The following SGCZ variants were observed in gnomAD, a reference collection of about 807,000 sequenced individuals.
SGCZ encodes the protein sarcoglycan zeta, also known as zeta-sarcoglycan.
A neutral mutation model predicts 41.3 loss-of-function variants in SGCZ; 40 were observed. The observed-to-expected ratio is 0.97, with a 90% CI of 0.75 to 1.26. The LOEUF is 1.26. Among genes scored for constraint, SGCZ ranks in the 50% most tolerant of loss-of-function variants. The probability of loss-of-function intolerance (pLI) is 0.00; values close to 1 mark genes in which losing one functional copy is unlikely to be tolerated. For synonymous variants in SGCZ, 206 were observed against 137.5 expected, an observed-to-expected ratio of 1.50 and a Z score of -3.49; for missense variants, 552 against 369.8, an observed-to-expected ratio of 1.49 and a Z score of -4.04.
intron 1 of SGCZ, among the ~76,000 whole-genome samples, chr8:14,978,189 C>T (rs1467352868): frequency 6.6e-6 from 1 of 151,454 alleles, no homozygotes; most frequent in African/African-American, 2.4e-5. Flanking sequence ...GCCTGCTGGC[C>T]GGGTGTGGTG....
At chr8:15,130,420 A>T (rs924744094) in intron 1 of SGCZ, among the ~76,000 whole-genome samples, 2 of 152,230 alleles carry the variant, frequency 1.3e-5, no homozygotes, top group Non-Finnish European at 1.5e-5. Flanking sequence ...AATGAGAAAA[A>T]TTAATAAACA....
intron 4 of SGCZ, among the ~76,000 whole-genome samples, chr8:14,189,392 C>T (rs1805017920): frequency 1.3e-5 from 2 of 152,196 alleles, no homozygotes; most frequent in Non-Finnish European, 2.9e-5. Flanking sequence ...CTTTTCAACA[C>T]GGTCTGGAAG....
intron 1 of SGCZ, among the ~76,000 whole-genome samples, chr8:14,721,102 T>C (rs550742177): frequency 5.3e-5 from 8 of 152,286 alleles, no homozygotes; most frequent in South Asian, 4.1e-4. Context: ...GGACTGTTTC[T>C]CTTTAATTAT....
intron 1 of SGCZ, among the ~76,000 whole-genome samples, chr8:14,672,118 A>G (rs1245225279): frequency 6.6e-6 from 1 of 152,194 alleles, no homozygotes; most frequent in Non-Finnish European, 1.5e-5. Flanking sequence ...GCGGGAATTT[A>G]AAAAGAACTG....
intron 1 of SGCZ, among the ~76,000 whole-genome samples, chr8:14,659,848 T>A (rs747039689): frequency 3.3e-5 from 5 of 152,192 alleles, no homozygotes; most frequent in Non-Finnish European, 5.9e-5. Context: ...CAAGTCAGGA[T>A]GAGATCATAC....
chr8:14,438,129 C>T (rs1452599518), intron 2 of SGCZ, among the ~76,000 whole-genome samples: 2 of 151,860 alleles, frequency 1.3e-5, no homozygotes, highest in African/African-American at 4.8e-5. Context: ...ACCAAAGATT[C>T]TAAAGGAACA....
chr8:14,854,410 A>G (rs1329988287), intron 1 of SGCZ, among the ~76,000 whole-genome samples: 1 of 152,106 alleles, frequency 6.6e-6, no homozygotes, highest in African/African-American at 2.4e-5. Flanking sequence ...GTTCCACAAC[A>G]TATCTAAAGC....
intron 1 of SGCZ, among the ~76,000 whole-genome samples, chr8:15,141,778 T>A (rs1563147598): frequency 6.6e-6 from 1 of 152,010 alleles, no homozygotes; most frequent in Non-Finnish European, 1.5e-5. Context: ...GGTGCGTGCC[T>A]GTAATCCAAC....
chr8:15,145,748 G>A (rs754450379), intron 1 of SGCZ, among the ~76,000 whole-genome samples: 2 of 152,128 alleles, frequency 1.3e-5, no homozygotes, highest in African/African-American at 2.4e-5. Context: ...AGCACCATAC[G>A]TGGCCCTCCA....
At chr8:14,633,009 T>C (rs967662681) in intron 1 of SGCZ, among the ~76,000 whole-genome samples, 1 of 151,956 alleles carries the variant, frequency 6.6e-6, no homozygotes. Flanking sequence ...CAAATTTTAA[T>C]AATTTAATCC....
At chr8:14,657,493 G>A (rs928969199) in intron 1 of SGCZ, among the ~76,000 whole-genome samples, 3 of 152,082 alleles carry the variant, frequency 2.0e-5, no homozygotes, top group African/African-American at 7.3e-5. Flanking sequence ...CATTGACCAT[G>A]AAGCTATAAT....
chr8:14,207,599 T>A (rs1164890493), intron 4 of SGCZ, among the ~76,000 whole-genome samples: 1 of 152,332 alleles, frequency 6.6e-6, no homozygotes, highest in East Asian at 1.9e-4. Flanking sequence ...TGTTAAGTTA[T>A]AATGAACACA....
chr8:14,247,015 C>T (rs774786415), intron 3 of SGCZ, among the ~76,000 whole-genome samples: 5 of 151,450 alleles, frequency 3.3e-5, no homozygotes, highest in Non-Finnish European at 5.9e-5. Context: ...GGAAGAAGTG[C>T]TTATTATGAA....
Position 14,958,186 on chromosome 8 carries a change from T to C in SGCZ, c.39+279399A>G, listed in dbSNP as rs1026064060. Among the ~76,000 whole-genome samples, 67 of 151,916 alleles carry C rather than the reference T, an allele frequency of 4.4e-4. 1 individual carries two copies. The highest frequency in any genetic ancestry group is 1.2e-4 in the Non-Finnish European group (8 of 67,906). Reference sequence around the variant, plus strand: ...TTTTTCTTTTTACAAACAAAAAGAGTAACAGTTTATTTTATATATTCTGAT... The same window carrying C: ...TTTTTCTTTTTACAAACAAAAAGAGCAACAGTTTATTTTATATATTCTGAT... On this transcript the variant is annotated intron_variant, in intron 1 of 7. Coordinates refer to ENST00000382080, the MANE Select transcript of SGCZ (RefSeq NM_139167.4).
chr8:14,685,026 A>G (rs1315998463), intron 1 of SGCZ, among the ~76,000 whole-genome samples: 1 of 152,166 alleles, frequency 6.6e-6, no homozygotes, highest in African/African-American at 2.4e-5. Flanking sequence ...ATTGTCAAAA[A>G]CCATTAATTT....
At chr8:14,286,096 A>T (rs1330348660) in intron 3 of SGCZ, among the ~76,000 whole-genome samples, 1 of 151,158 alleles carries the variant, frequency 6.6e-6, no homozygotes, top group Non-Finnish European at 1.5e-5. Flanking sequence ...TTTTCTCTAC[A>T]GTCCTCAAAT....
intron 5 of SGCZ, among the ~76,000 whole-genome samples, chr8:14,135,953 A>G (rs1248626277): frequency 6.6e-6 from 1 of 152,178 alleles, no homozygotes; most frequent in African/African-American, 2.4e-5. Context: ...ATAGAAGAGG[A>G]TAAAATACTA....
intron 1 of SGCZ, among the ~76,000 whole-genome samples, chr8:14,717,140 T>G (rs1385392077): frequency 6.6e-6 from 1 of 152,130 alleles, no homozygotes; most frequent in Non-Finnish European, 1.5e-5. Context: ...ACAATTAGAT[T>G]ACTCAATATT....
At chr8:15,011,283 G>T (rs1050492002) in intron 1 of SGCZ, among the ~76,000 whole-genome samples, 4 of 152,054 alleles carry the variant, frequency 2.6e-5, no homozygotes, top group African/African-American at 9.7e-5. Flanking sequence ...CAGGAGGTAT[G>T]TGTCTGTTAT....
Sources: allele counts gnomAD v4.1 joint callset (sites outside exome capture counted in the v4.1 genomes callset), GRCh38; gene constraint gnomAD v4.1.1; transcripts MANE v1.5; gene names NCBI Gene and HGNC (gene_info 2026-07-23, HGNC 2026-07-21).